RGS7: variants seen among roughly 807,000 people sequenced by gnomAD.
RGS7 encodes regulator of G protein signaling 7, also known as regulator of G-protein signaling 7.
A neutral mutation model predicts 81.1 loss-of-function variants in RGS7; 27 were observed. The ratio of observed to expected loss-of-function variants is 0.33; its 90% confidence interval spans 0.25 to 0.46. The LOEUF is 0.46. RGS7 is among the 20% of genes least tolerant of loss of function. RGS7 has a pLI of 1.00. For missense variants in RGS7, 396 were observed against 607.4 expected, an observed-to-expected ratio of 0.65 and a Z score of 3.66; for synonymous variants, 208 against 207.7, an observed-to-expected ratio of 1.00 and a Z score of -0.01.
intron 2 of RGS7, among the ~76,000 whole-genome samples, chr1:241,286,478 A>C (rs1481369942): frequency 1.3e-5 from 2 of 152,100 alleles, no homozygotes; most frequent in South Asian, 2.1e-4. Context: ...TCCCACCCCC[A>C]AAAAAATGGG....
At chr1:241,046,304 C>CG (rs1553399815) in intron 3 of RGS7, among the ~76,000 whole-genome samples, 9 of 8,592 alleles carry the variant, frequency 1.0e-3, no homozygotes, top group Non-Finnish European at 3.9e-3. Flanking sequence ...CAGCCCTGAC[C>CG]CCCCCCCCCT....
chr1:240,995,558 T>C (rs1366307053), intron 3 of RGS7, among the ~76,000 whole-genome samples: 1 of 152,210 alleles, frequency 6.6e-6, no homozygotes, highest in Non-Finnish European at 1.5e-5. Context: ...TGAGTTGTAA[T>C]AGTCTGTGGT....
At chr1:240,855,308 CAAAAAA>C (rs758331434) in intron 9 of RGS7, among the ~76,000 whole-genome samples, 2 of 14,920 alleles carry the variant, frequency 1.3e-4, no homozygotes, top group African/African-American at 1.8e-4. Context: ...GACCATGTCT[CAAAAAA>C]AAAAAAAAAA....
chr1:241,015,450 G>GTA (rs1433244473), intron 3 of RGS7, among the ~76,000 whole-genome samples: 2 of 152,044 alleles, frequency 1.3e-5, no homozygotes, highest in African/African-American at 4.8e-5. Context: ...AGTAATTTGC[G>GTA]TAACTTAAAC....
At chr1:241,324,352 A>G (rs78767439) in intron 2 of RGS7, among the ~76,000 whole-genome samples, 1 of 152,020 alleles carries the variant, frequency 6.6e-6, no homozygotes, top group Non-Finnish European at 1.5e-5. Flanking sequence ...CAAAAAAAAA[A>G]GCAACTTTTT....
chr1:241,249,024 T>C (rs2076702074), intron 2 of RGS7, among the ~76,000 whole-genome samples: 1 of 152,210 alleles, frequency 6.6e-6, no homozygotes, highest in African/African-American at 2.4e-5. Context: ...AAGTGCTTTG[T>C]TGGATATGTA....
At chr1:241,124,209 C>T (rs1234818714) in intron 2 of RGS7, among the ~76,000 whole-genome samples, 2 of 149,534 alleles carry the variant, frequency 1.3e-5, no homozygotes, top group Non-Finnish European at 3.0e-5. Flanking sequence ...GCCTGGGCAA[C>T]ATTAGTGAGA....
At chr1:241,266,434 C>T (rs977833918) in intron 2 of RGS7, among the ~76,000 whole-genome samples, 1 of 152,220 alleles carries the variant, frequency 6.6e-6, no homozygotes, top group African/African-American at 2.4e-5. Flanking sequence ...GCCAAGATCA[C>T]ACACTTATTC....
At position 241,021,625 on chromosome 1, in the gene RGS7, C is replaced by A. The variant is rs181342603; in HGVS notation, c.176-38496G>T. Among the ~76,000 whole-genome samples, 655 of 152,236 alleles carry A rather than the reference C, an allele frequency of 4.3e-3. 2 individuals are homozygous for A. Among genetic ancestry groups the A allele is most frequent in the Middle Eastern group, 0.014 (4 of 294 alleles). The stretch of plus-strand genomic sequence containing the variant: ...TTTTAAACTCCCTATCCATAACTTT[C>A]AAACCTACTCTGGGGGGCGGTCAAG... On this transcript the variant is annotated intron_variant, in intron 3 of 18. Coordinates refer to ENST00000440928, the MANE Select transcript of RGS7 (RefSeq NM_001364886.1).
At chr1:241,236,583 T>G (rs1232893614) in intron 2 of RGS7, among the ~76,000 whole-genome samples, 1 of 152,228 alleles carries the variant, frequency 6.6e-6, no homozygotes, top group African/African-American at 2.4e-5. Context: ...ATGACTCACA[T>G]GATTTGCCTC....
At position 240,813,364 on chromosome 1, in the gene RGS7, C is replaced by T. The variant is rs183433125; in HGVS notation, c.956+254G>A. On this transcript the variant is annotated intron_variant, in intron 13 of 18. Transcript: ENST00000440928. ...AAATTTCAAGAGCTGAAGATCCTAACTCTGACTAATTGCACCTCTAATTTT... is the reference window on the plus strand; with the variant it reads ...AAATTTCAAGAGCTGAAGATCCTAATTCTGACTAATTGCACCTCTAATTTT... 5.9e-5 allele frequency among the ~76,000 whole-genome samples: 9 copies of T among 152,312 alleles called. No individual in the cohort carries two copies. In the East Asian group the frequency reaches 1.7e-3, roughly 29 times the overall value.
At chr1:241,027,840 C>G (rs1372455992) in intron 3 of RGS7, among the ~76,000 whole-genome samples, 1 of 152,100 alleles carries the variant, frequency 6.6e-6, no homozygotes, top group Non-Finnish European at 1.5e-5. Context: ...GTAGAAATGT[C>G]TAGTGTGTAG....
chr1:240,932,801 C>T (rs1675742291), intron 5 of RGS7, among the ~76,000 whole-genome samples: 1 of 149,582 alleles, frequency 6.7e-6, no homozygotes, highest in Non-Finnish European at 1.5e-5. Context: ...AGCCACTGTG[C>T]CCGGCCTAAA....
At chr1:241,250,004 A>T (rs936700908) in intron 2 of RGS7, among the ~76,000 whole-genome samples, 1 of 152,182 alleles carries the variant, frequency 6.6e-6, no homozygotes, top group Non-Finnish European at 1.5e-5. Context: ...AACCAATCAC[A>T]TGTTGTTTGA....
intron 9 of RGS7, among the ~76,000 whole-genome samples, chr1:240,862,700 T>C (rs1662434619): frequency 6.6e-6 from 1 of 152,172 alleles, no homozygotes; most frequent in Non-Finnish European, 1.5e-5. Context: ...GGCAAATCGA[T>C]TCAGGAAAAT....
chr1:241,310,455 GTGTGA>G (rs373278259), intron 2 of RGS7, among the ~76,000 whole-genome samples: 2 of 106,338 alleles, frequency 1.9e-5, no homozygotes, highest in African/African-American at 5.5e-5. Context: ...GAGTGTGTGT[GTGTGA>G]GAGTGTGTGT....
At chr1:241,212,411 T>C (rs1226431977) in intron 2 of RGS7, among the ~76,000 whole-genome samples, 1 of 152,200 alleles carries the variant, frequency 6.6e-6, no homozygotes, top group Non-Finnish European at 1.5e-5. Flanking sequence ...TTTAATGCTC[T>C]GCTGTTTCCA....
chr1:240,805,581 C>A (rs1688704863), intron 15 of RGS7, among the ~76,000 whole-genome samples: 1 of 151,854 alleles, frequency 6.6e-6, no homozygotes, highest in Non-Finnish European at 1.5e-5. Context: ...CTTATTTTTT[C>A]TTTCTGTAGG....
At chr1:241,168,272 G>A (rs752210698) in intron 2 of RGS7, among the ~76,000 whole-genome samples, 1 of 152,162 alleles carries the variant, frequency 6.6e-6, no homozygotes, top group Non-Finnish European at 1.5e-5. Flanking sequence ...GGACATTTTT[G>A]ATAGGTTTTA....
Sources: allele counts gnomAD v4.1 joint callset (sites outside exome capture counted in the v4.1 genomes callset), GRCh38; gene constraint gnomAD v4.1.1; transcripts MANE v1.5; gene names NCBI Gene and HGNC (gene_info 2026-07-23, HGNC 2026-07-21).